The following TFDP2 variants were observed in gnomAD, a reference collection of about 807,000 sequenced individuals.
TFDP2 encodes the protein transcription factor Dp-2 (E2F dimerization partner 2).
Under a neutral mutation model 59.3 loss-of-function variants are expected in TFDP2, and 17 were observed. The observed-to-expected ratio is 0.29, with a 90% confidence interval of 0.20 to 0.43. The LOEUF is 0.43. Among genes scored for constraint, TFDP2 ranks in the 20% least tolerant of loss-of-function variants. The pLI, the probability that TFDP2 is intolerant of heterozygous loss-of-function variation, is 1.00. For synonymous variants in TFDP2, 180 were observed against 194.7 expected (o/e 0.92, Z 0.63); for missense variants, 391 against 528.8 (o/e 0.74, Z 2.56).
intron 1 of TFDP2, among the ~76,000 whole-genome samples, chr3:142,114,142 G>T (rs1369919374): frequency 6.6e-6 from 1 of 151,630 alleles, no homozygotes; most frequent in Non-Finnish European, 1.5e-5. Context: ...TCCAGCCCGG[G>T]CGACAAAGCG....
intron 3 of TFDP2, among the ~76,000 whole-genome samples, chr3:142,019,415 T>C (rs1945418573): frequency 2.0e-5 from 3 of 152,194 alleles, no homozygotes; most frequent in Admixed American, 6.5e-5. Context: ...TTAATGACTT[T>C]TGTGTCAAAC....
chr3:142,062,609 A>C (rs2059957213), intron 3 of TFDP2, among the ~76,000 whole-genome samples: 1 of 151,972 alleles, frequency 6.6e-6, no homozygotes, highest in Non-Finnish European at 1.5e-5. Context: ...TATCGACTAA[A>C]ACTGAACCCC....
chr3:142,100,652 C>T (rs536200742), intron 2 of TFDP2, among the ~76,000 whole-genome samples: 20 of 152,158 alleles, frequency 1.3e-4, no homozygotes, highest in Middle Eastern at 3.4e-3. Flanking sequence ...GGATTACAGG[C>T]GTGAGCCACC....
intron 6 of TFDP2, among the ~76,000 whole-genome samples, chr3:141,990,579 C>T (rs900688729): frequency 3.3e-5 from 5 of 152,114 alleles, no homozygotes; most frequent in African/African-American, 9.6e-5. Flanking sequence ...TAATTTAGTT[C>T]CTTTGATAAA....
intron 2 of TFDP2, chr3:142,094,097 AT>A (rs1186291961): frequency 5.0e-6 from 1 of 198,476 alleles, no homozygotes; most frequent in Non-Finnish European, 1.1e-5. Flanking sequence ...CAAACAGAAT[AT>A]CAGAAATATA....
intron 1 of TFDP2, among the ~76,000 whole-genome samples, chr3:142,118,404 G>A (rs1016365080): frequency 1.3e-5 from 2 of 152,134 alleles, no homozygotes; most frequent in African/African-American, 2.4e-5. Flanking sequence ...CCGTGAGGTT[G>A]AAAAACAACT....
At chr3:142,101,986 T>C (rs2061330175) in intron 1 of TFDP2, 145 bp from the exon 2 acceptor site, 1 of 383,132 alleles carries the variant, frequency 2.6e-6, no homozygotes, top group Non-Finnish European at 4.7e-6. Flanking sequence ...TGTACCATCT[T>C]AATCCCCATT....
chr3:142,022,574 A>G (rs1392344697), intron 3 of TFDP2, among the ~76,000 whole-genome samples: 1 of 152,304 alleles, frequency 6.6e-6, no homozygotes, highest in Middle Eastern at 3.4e-3. Flanking sequence ...AGCACATTTT[A>G]TCTCATACCA....
At chr3:142,128,548 C>A (rs1469502261) in intron 1 of TFDP2, among the ~76,000 whole-genome samples, 1 of 152,082 alleles carries the variant, frequency 6.6e-6, no homozygotes, top group Non-Finnish European at 1.5e-5. Flanking sequence ...GGTCTTTAAT[C>A]TGAACAGATG....
intron 3 of TFDP2, among the ~76,000 whole-genome samples, chr3:142,077,698 G>C (rs1043306888): frequency 6.6e-6 from 1 of 152,044 alleles, no homozygotes; most frequent in African/African-American, 2.4e-5. Context: ...ACACTTCATG[G>C]GCCTTGGGTG....
At chr3:142,032,085 T>C (rs1243728685) in intron 3 of TFDP2, among the ~76,000 whole-genome samples, 1 of 150,874 alleles carries the variant, frequency 6.6e-6, no homozygotes, top group Non-Finnish European at 1.5e-5. Context: ...ACTTTTTTTC[T>C]TTCTCTCTCT....
chr3:141,958,106 T>C (rs936066131), intron 11 of TFDP2, among the ~76,000 whole-genome samples: 3 of 152,178 alleles, frequency 2.0e-5, no homozygotes, highest in Admixed American at 6.5e-5. Flanking sequence ...TGGTATCATC[T>C]AGTAAAGCTG....
intron 4 of TFDP2, among the ~76,000 whole-genome samples, chr3:141,996,999 G>A (rs1943333396): frequency 6.6e-6 from 1 of 152,192 alleles, no homozygotes; most frequent in Non-Finnish European, 1.5e-5. Context: ...CAGACAATGT[G>A]TCTGTACCTC....
chr3:142,126,924 TGACAGAGTGA>T (rs149656567), intron 1 of TFDP2, among the ~76,000 whole-genome samples: 12,045 of 142,052 alleles, frequency 0.085, 619 homozygotes, highest in Middle Eastern at 0.16. Context: ...CCAGTCTGGG[TGACAGAGTGA>T]GACCTTGTCT....
intron 9 of TFDP2, among the ~76,000 whole-genome samples, chr3:141,968,282 TAAC>T (rs1415493495): frequency 1.5e-5 from 2 of 131,928 alleles, no homozygotes; most frequent in African/African-American, 2.9e-5. Flanking sequence ...ATATAATATA[TAAC>T]AATATATATA....
At chr3:142,023,583 T>C (rs912317651) in intron 3 of TFDP2, among the ~76,000 whole-genome samples, 1 of 152,138 alleles carries the variant, frequency 6.6e-6, no homozygotes, top group African/African-American at 2.4e-5. Context: ...GCAGTTCTTC[T>C]CCTTAGCAAA....
Position 141,974,090 on chromosome 3 carries a change from A to C in TFDP2, c.621T>G (p.Ile207Met). ...CCTGAGCAGAATTGGTAGGCAGGCC[A>C]ATCCACTTGATTTCTTTTTTTTCCT... ...ISKEKKEIKW[I>M]GLPTNSAQEC... Residue 207 changes from isoleucine to methionine, a missense_variant, in exon 8 of 13, where the codon ATT becomes ATG. Around this residue, in one of 3 missense-constraint regions of TFDP2, gnomAD observed 223 missense variants for 292.5 expected, o/e 0.76. Coordinates refer to ENST00000489671, the MANE Select transcript of TFDP2 (RefSeq NM_001178139.2). 2.5e-6 allele frequency: 4 copies of C among 1,613,138 alleles called. No individual in the cohort carries two copies. Among genetic ancestry groups the C allele is most frequent in the Non-Finnish European group, 3.4e-6 (4 of 1,179,616 alleles).
intron 8 of TFDP2, among the ~76,000 whole-genome samples, chr3:141,973,117 ATATATAT>A (rs1418758762): frequency 0.021 from 1,909 of 91,752 alleles, 25 homozygotes; most frequent in Non-Finnish European, 0.031. Flanking sequence ...ATATATATAT[ATATATAT>A]TTTTTTTTTT....
chr3:142,020,239 CA>C (rs1945481574), intron 3 of TFDP2, among the ~76,000 whole-genome samples: 1 of 151,912 alleles, frequency 6.6e-6, no homozygotes, highest in Non-Finnish European at 1.5e-5. Context: ...ACCTGTATTT[CA>C]AAAATAACTC....
Sources: gnomAD v4.1 joint callset for allele counts (sites outside exome capture counted in the v4.1 genomes callset) on GRCh38, gnomAD v4.1.1 for gene constraint, gnomAD v4.1.1 regional missense constraint, MANE v1.5 for transcripts, NCBI Gene and HGNC (gene_info 2026-07-23, HGNC 2026-07-21) for gene names.